Variants in SGO1 observed in about 807,000 individuals in gnomAD.
SGO1 encodes shugoshin 1, also known as serologically defined breast cancer antigen NY-BR-85.
A neutral mutation model predicts 50.5 loss-of-function variants in SGO1; 39 were observed. The ratio of observed to expected loss-of-function variants is 0.77; its 90% confidence interval spans 0.60 to 1.01. The LOEUF (loss-of-function observed/expected upper bound fraction) is 1.01, where lower values mean the gene tolerates loss of function less well. SGO1 is among the 50% of genes least tolerant of loss of function. The pLI is 0.00. For synonymous variants in SGO1, 191 were observed against 205.1 expected (o/e 0.93, Z 0.59); for missense variants, 638 against 606.0 (o/e 1.05, Z -0.55).
intron 1 of SGO1, 122 bp from the exon 2 acceptor site, chr3:20,184,156 T>C (rs1702357466): frequency 6.3e-6 from 4 of 632,968 alleles, no homozygotes; most frequent in Admixed American, 4.0e-5. Context: ...TCAAAGTAGA[T>C]AGTTAACCAA....
chr3:20,178,579 T>C (rs1004443667), intron 3 of SGO1, among the ~76,000 whole-genome samples: 3 of 152,166 alleles, frequency 2.0e-5, no homozygotes, highest in Non-Finnish European at 2.9e-5. Flanking sequence ...AAATTTCAGA[T>C]TGCGATAAAT....
intron 3 of SGO1, among the ~76,000 whole-genome samples, chr3:20,182,854 T>C (rs1188069492): frequency 6.6e-6 from 1 of 151,960 alleles, no homozygotes; most frequent in Non-Finnish European, 1.5e-5. Context: ...CCGTCTCTAC[T>C]AAAAATACAA....
intron 8 of SGO1, among the ~76,000 whole-genome samples, chr3:20,162,927 A>C (rs1217235590): frequency 3.3e-5 from 5 of 151,926 alleles, no homozygotes; most frequent in Admixed American, 3.3e-4. Context: ...CTCACAAGAG[A>C]AATCAGAAAA....
At chr3:20,185,430 A>G (rs896905255) in intron 1 of SGO1, among the ~76,000 whole-genome samples, 4 of 152,216 alleles carry the variant, frequency 2.6e-5, no homozygotes, top group Non-Finnish European at 4.4e-5. Context: ...GGTGTGGTAG[A>G]CAGAAGGGAT....
At chr3:20,175,896 G>T (rs1225385260) in intron 5 of SGO1, among the ~76,000 whole-genome samples, 1 of 152,112 alleles carries the variant, frequency 6.6e-6, no homozygotes, top group Non-Finnish European at 1.5e-5. Context: ...AAGTAGAACC[G>T]CATATTCCAA....
chr3:20,169,676 C>G lies in SGO1; in HGVS notation c.*1028G>C. ...CTGAGATTTCTGACTAAATAAGGAGCTACCCTGAAAGTACATGACATTTGT... is the reference window on the plus strand; with the variant it reads ...CTGAGATTTCTGACTAAATAAGGAGGTACCCTGAAAGTACATGACATTTGT... On this transcript the variant is annotated 3_prime_UTR_variant, in exon 8 of 8. Coordinates refer to ENST00000412997, the MANE Select transcript of SGO1 (RefSeq NM_001199251.3). The G allele has an allele frequency of 1.1e-6, 1 of 940,488 alleles. No individual in the cohort carries two copies. The highest frequency in any genetic ancestry group is 1.3e-6 in the Non-Finnish European group (1 of 789,220). 58.3% of individuals were successfully genotyped at this position (940,488 alleles called of 1,614,324 possible).
Position 20,171,252 on chromosome 3 carries a change from G to A in SGO1, c.1283-20C>T. 1.3e-6 allele frequency: 2 copies of A among 1,509,792 alleles called. No homozygotes were observed. Among genetic ancestry groups the A allele is most frequent in the East Asian group, 2.4e-5 (1 of 41,116 alleles). The allele number at this position is 1,509,792 out of a possible 1,614,324, so 93.5% of individuals were successfully genotyped here. On this transcript the variant is annotated intron_variant, in intron 6 of 7. Coordinates refer to ENST00000412997, the MANE Select transcript of SGO1 (RefSeq NM_001199251.3). ...GTGTAGCTACAAAACAATTTTTACTGAATATGATTTAAAAAAAAAAACCCA... is the reference window on the plus strand; with the variant it reads ...GTGTAGCTACAAAACAATTTTTACTAAATATGATTTAAAAAAAAAAACCCA...
At chr3:20,162,773 TAAAG>T (rs139548512) in intron 8 of SGO1, among the ~76,000 whole-genome samples, 14,813 of 148,336 alleles carry the variant, frequency 0.1, 911 homozygotes, top group Admixed American at 0.16. Context: ...ATATATAAAA[TAAAG>T]AACCAAATGG....
In SGO1 at chr3:20,183,748, C is replaced by A; in HGVS notation, c.199G>T (p.Ala67Ser). 6.2e-7 allele frequency: 1 copy of A among 1,613,292 alleles called. No individual in the cohort carries two copies. The highest frequency in any genetic ancestry group is 8.5e-7 in the Non-Finnish European group (1 of 1,179,780). Residue 67 changes from alanine (A) to serine (S), a missense_variant, in exon 3 of 8, where the codon GCT (alanine) becomes TCT (serine). Coordinates refer to ENST00000412997, the MANE Select transcript of SGO1 (RefSeq NM_001199251.3). ...ACTTTGGATTTTTCATTTTCCAAAG[C>A]TAAAACTAACATTTTGTTGTTGTCT... ...YQDNNKMLVL[A>S]LENEKSKVKE...
Position 20,169,995 on chromosome 3 carries a change from T to C in SGO1, c.*709A>G, listed in dbSNP as rs1292313210. 1.0e-6 allele frequency: 1 copy of C among 984,768 alleles called. No homozygotes were observed. The highest frequency in any genetic ancestry group is 1.2e-6 in the Non-Finnish European group (1 of 829,434). 61.0% of individuals were successfully genotyped at this position (984,768 alleles called of 1,614,324 possible). A position where few individuals can be genotyped will look rare whatever the true frequency, so the allele number is the denominator to read the frequency against. ...ACTAAAGAGTTTCAAAAGATCCTCT[T>C]AGAAAATCATTCACTTTAGTATCCC... On this transcript the variant is annotated 3_prime_UTR_variant, in exon 8 of 8. Transcript: ENST00000412997.
intron 3 of SGO1, among the ~76,000 whole-genome samples, chr3:20,179,911 AAAGAG>A (rs1701819195): frequency 6.6e-6 from 1 of 152,206 alleles, no homozygotes; most frequent in African/African-American, 2.4e-5. Flanking sequence ...GGTCAAGAAG[AAAGAG>A]AAGTGACCAC....
chr3:20,184,464 G>A (rs1249534762), intron 1 of SGO1, among the ~76,000 whole-genome samples: 1 of 152,044 alleles, frequency 6.6e-6, no homozygotes, highest in Admixed American at 6.6e-5. Flanking sequence ...TATATATTTG[G>A]GTTTTGTTTT....
chr3:20,176,891 T>C (rs1470164649), intron 4 of SGO1, among the ~76,000 whole-genome samples: 1 of 152,206 alleles, frequency 6.6e-6, no homozygotes, highest in Admixed American at 6.5e-5. Context: ...ACCTATCAAG[T>C]TGGAGAGTTC....
intron 4 of SGO1, 85 bp from the exon 5 acceptor site, chr3:20,176,744 T>G: frequency 1.1e-6 from 1 of 890,440 alleles, no homozygotes; most frequent in South Asian, 1.7e-5. Context: ...TAATTTTTCT[T>G]TCCTTTAGTA....
chr3:20,176,743 T>A, intron 4 of SGO1, 84 bp from the exon 5 acceptor site: 4 of 889,390 alleles, frequency 4.5e-6, no homozygotes, highest in Non-Finnish European at 6.9e-6. Context: ...ATAATTTTTC[T>A]TTCCTTTAGT....
chr3:20,176,086 A>G (rs1171338871), intron 5 of SGO1, among the ~76,000 whole-genome samples: 1 of 152,234 alleles, frequency 6.6e-6, no homozygotes, highest in Admixed American at 6.5e-5. Context: ...GCTTATTCAA[A>G]TACTATCCTT....
At chr3:20,179,880 T>C (rs1429410730) in intron 3 of SGO1, among the ~76,000 whole-genome samples, 1 of 152,160 alleles carries the variant, frequency 6.6e-6, no homozygotes, top group African/African-American at 2.4e-5. Context: ...GTGGTCCCTG[T>C]TTTGCATATT....
Position 20,171,089 on chromosome 3 carries a change from G to A in SGO1, c.1426C>T (p.Arg476Cys), listed in dbSNP as rs748755799. 1.6e-5 allele frequency: 25 copies of A among 1,610,424 alleles called. No homozygotes were observed. Among genetic ancestry groups the A allele is most frequent in the East Asian group, 4.5e-5 (2 of 44,776 alleles). Residue 476 changes from arginine (R) to cysteine (C), a missense_variant, in exon 7 of 8, where the codon CGT (arginine) becomes TGT (cysteine). Transcript: ENST00000412997. ...TAGTTCACGCTGGCTGTGCACCTAC[G>A]TTTAGGCAGAGCCACTGCTGGGCTT... ...KASPAVALPKRRCTASVNYKE... is the reference protein window; with the variant it reads ...KASPAVALPKCRCTASVNYKE...
chr3:20,165,409 T>G (rs1575178250), downstream of SGO1, among the ~76,000 whole-genome samples: 1 of 152,124 alleles, frequency 6.6e-6, no homozygotes, highest in Non-Finnish European at 1.5e-5. Flanking sequence ...GGAACCAAAT[T>G]GTAGCAGATA....
Sources: allele counts gnomAD v4.1 joint callset (sites outside exome capture counted in the v4.1 genomes callset), GRCh38; gene constraint gnomAD v4.1.1; transcripts MANE v1.5; gene names NCBI Gene and HGNC (gene_info 2026-07-23, HGNC 2026-07-21).